Variants in PHF21B observed in about 807,000 individuals in gnomAD.
The protein encoded by PHF21B is PHD finger protein 4.
A neutral mutation model predicts 62.2 loss-of-function variants in PHF21B; 22 were observed. That is an observed-to-expected ratio of 0.35 (90% CI 0.25 to 0.51). The LOEUF is 0.51. Ranked by LOEUF, PHF21B falls within the 20% of genes least tolerant of loss-of-function variation. PHF21B has a pLI of 0.97. For missense variants in PHF21B, 701 were observed against 707.9 expected, an observed-to-expected ratio of 0.99 and a Z score of 0.11; for synonymous variants, 341 against 314.7, an observed-to-expected ratio of 1.08 and a Z score of -0.88.
At chr22:44,913,699 G>A in intron 5 of PHF21B, 123 bp downstream of exon 5, 1 of 1,363,728 alleles carries the variant, frequency 7.3e-7, no homozygotes, top group Non-Finnish European at 9.7e-7. Flanking sequence ...ACTGCACAGG[G>A]CAGCTGTGCC....
At chr22:44,967,939 G>A (rs1462526407) in intron 2 of PHF21B, among the ~76,000 whole-genome samples, 1 of 152,198 alleles carries the variant, frequency 6.6e-6, no homozygotes, top group Non-Finnish European at 1.5e-5. Context: ...TGATGAGGCT[G>A]GGGTTATGGG....
intron 2 of PHF21B, among the ~76,000 whole-genome samples, chr22:44,940,146 A>C (rs1398557503): frequency 6.6e-6 from 1 of 152,166 alleles, no homozygotes; most frequent in East Asian, 1.9e-4. Context: ...CCGCACCTCC[A>C]CCAGGGCAGG....
At chr22:44,906,785 G>A (rs978387271) in intron 5 of PHF21B, among the ~76,000 whole-genome samples, 3 of 152,342 alleles carry the variant, frequency 2.0e-5, no homozygotes, top group East Asian at 3.9e-4. Flanking sequence ...CTGTGCAGCC[G>A]CCGTGACGAC....
chr22:44,983,444 C>T lies in PHF21B; in HGVS notation c.120+25101G>A, dbSNP rs527443852. ...CCTCAGGCAGAGGCTTCAGCATGAA[C>T]CCCCACTAGTGGCAAAGGCCCTGAG... is the stretch of plus-strand genomic sequence containing the variant. On this transcript the variant is annotated intron_variant, in intron 2 of 12. Coordinates refer to ENST00000313237, the MANE Select transcript of PHF21B (RefSeq NM_138415.5). 1.3e-5 allele frequency among the ~76,000 whole-genome samples: 2 copies of T among 152,248 alleles called. 1 individual carries two copies. The highest frequency in any genetic ancestry group is 4.1e-4 in the South Asian group (2 of 4,830).
At chr22:44,976,574 G>A (rs370686515) in intron 2 of PHF21B, among the ~76,000 whole-genome samples, 50 of 152,246 alleles carry the variant, frequency 3.3e-4, no homozygotes, top group African/African-American at 7.5e-4. Context: ...TGACTGTTCC[G>A]TCTTGTTTCT....
intron 5 of PHF21B, among the ~76,000 whole-genome samples, chr22:44,907,201 G>A (rs1210862732): frequency 6.6e-6 from 1 of 152,202 alleles, no homozygotes; most frequent in Non-Finnish European, 1.5e-5. Flanking sequence ...CCTCTGCTCC[G>A]AGTTGCTTCC....
intron 2 of PHF21B, among the ~76,000 whole-genome samples, chr22:44,953,415 G>C (rs942624703): frequency 2.0e-5 from 3 of 152,082 alleles, no homozygotes; most frequent in Non-Finnish European, 2.9e-5. Context: ...AGGTTCCATC[G>C]GGCTTTTGTG....
intron 3 of PHF21B, 84 bp downstream of exon 3, chr22:44,920,314 G>C: frequency 8.7e-7 from 1 of 1,147,236 alleles, no homozygotes; most frequent in Non-Finnish European, 1.2e-6. Context: ...GTGCCCACCA[G>C]AAACCTCAGT....
chr22:44,985,245 A>T (rs1019124220), intron 2 of PHF21B, among the ~76,000 whole-genome samples: 5 of 152,244 alleles, frequency 3.3e-5, no homozygotes, highest in African/African-American at 1.2e-4. Context: ...TTTATTCATT[A>T]AAATTTTACT....
chr22:44,954,457 T>TG (rs2072254842), intron 2 of PHF21B, among the ~76,000 whole-genome samples: 1 of 152,164 alleles, frequency 6.6e-6, no homozygotes, highest in Non-Finnish European at 1.5e-5. Context: ...CTACAGTGAA[T>TG]GAAGAAACAG....
At chr22:44,911,597 G>C (rs1008164864) in intron 5 of PHF21B, among the ~76,000 whole-genome samples, 2 of 152,232 alleles carry the variant, frequency 1.3e-5, no homozygotes, top group African/African-American at 2.4e-5. Context: ...ATGGTGTTGA[G>C]TCTGCAGGTG....
Position 44,913,793 on chromosome 22 carries a change from C to T in PHF21B, c.831+29G>A, listed in dbSNP as rs201679837. The T allele has an allele frequency of 3.7e-6, 6 of 1,600,152 alleles. No individual in the cohort carries two copies. The East Asian group carries it at 1.1e-4, about 30-fold the overall frequency. On this transcript the variant is annotated intron_variant, in intron 5 of 12. Transcript: ENST00000313237. ...GATGGCACCTGCAGACTGAGCAGGGCCTGGGCCCTCCGGAGAGGCCTGTCC... is the reference window on the plus strand; with the variant it reads ...GATGGCACCTGCAGACTGAGCAGGGTCTGGGCCCTCCGGAGAGGCCTGTCC...
chr22:44,945,602 G>A (rs534301833), intron 2 of PHF21B, among the ~76,000 whole-genome samples: 1 of 152,228 alleles, frequency 6.6e-6, no homozygotes, highest in South Asian at 2.1e-4. Context: ...TGGGCTGCAG[G>A]GCAATGAGTG....
intron 5 of PHF21B, 150 bp downstream of exon 5, chr22:44,913,672 C>T: frequency 3.5e-6 from 4 of 1,150,588 alleles, no homozygotes; most frequent in Middle Eastern, 3.0e-4. Flanking sequence ...CTTGGCGAGG[C>T]CCCATCCTGG....
intron 2 of PHF21B, among the ~76,000 whole-genome samples, chr22:44,944,262 G>C (rs1443089170): frequency 1.3e-5 from 2 of 152,294 alleles, no homozygotes; most frequent in East Asian, 3.9e-4. Flanking sequence ...TCCTTTCAAG[G>C]GAATTCGGGG....
intron 2 of PHF21B, among the ~76,000 whole-genome samples, chr22:44,961,454 C>T (rs1046889504): frequency 2.0e-4 from 31 of 152,096 alleles, no homozygotes; most frequent in Non-Finnish European, 1.0e-4. Flanking sequence ...CCACTGTTGC[C>T]GTCTTTATGT....
intron 2 of PHF21B, among the ~76,000 whole-genome samples, chr22:44,960,445 G>A (rs567085119): frequency 1.3e-5 from 2 of 152,204 alleles, no homozygotes; most frequent in South Asian, 2.1e-4. Context: ...CCAGGTCGTC[G>A]CCCAACCCTC....
At chr22:44,925,470 TG>T (rs2071610894) in intron 2 of PHF21B, among the ~76,000 whole-genome samples, 1 of 152,234 alleles carries the variant, frequency 6.6e-6, no homozygotes, top group African/African-American at 2.4e-5. Context: ...CTTTGCCACC[TG>T]TCCCATGGGG....
intron 2 of PHF21B, among the ~76,000 whole-genome samples, chr22:44,949,377 C>A (rs1287921876): frequency 1.3e-5 from 2 of 151,722 alleles, no homozygotes; most frequent in Non-Finnish European, 2.9e-5. Flanking sequence ...AGAGGGAAGG[C>A]CCTGGCTCTA....
Sources: gnomAD v4.1 joint callset for allele counts (sites outside exome capture counted in the v4.1 genomes callset) on GRCh38, gnomAD v4.1.1 for gene constraint, MANE v1.5 for transcripts, NCBI Gene and HGNC (gene_info 2026-07-23, HGNC 2026-07-21) for gene names.